The following VPS41 variants were observed in gnomAD, a reference collection of about 807,000 sequenced individuals.
VPS41 encodes vacuolar protein sorting-associated protein 41 homolog.
VPS41 carries 85 observed loss-of-function variants against 130.9 expected under a neutral mutation model. That is an observed-to-expected ratio of 0.65 (90% confidence interval 0.55 to 0.78). The LOEUF is 0.78. Among genes scored for constraint, VPS41 ranks in the 30% least tolerant of loss-of-function variants. The pLI is 0.00. For synonymous variants in VPS41, 335 were observed against 332.9 expected (o/e 1.01, Z -0.07); for missense variants, 874 against 1,018.7 (o/e 0.86, Z 1.93).
intron 10 of VPS41, among the ~76,000 whole-genome samples, chr7:38,785,283 A>T (rs1460604642): frequency 6.6e-6 from 1 of 152,258 alleles, no homozygotes; most frequent in Non-Finnish European, 1.5e-5. Context: ...ACATTAAAGT[A>T]AAACTGACTT....
chr7:38,777,918 C>T (rs991767379), intron 10 of VPS41, among the ~76,000 whole-genome samples: 18 of 152,174 alleles, frequency 1.2e-4, no homozygotes, highest in Non-Finnish European at 1.5e-5. Flanking sequence ...ATTCATAATA[C>T]AGATGAAATA....
intron 24 of VPS41, among the ~76,000 whole-genome samples, chr7:38,743,082 A>G (rs1191051038): frequency 1.0e-4 from 3 of 30,090 alleles, no homozygotes; most frequent in Non-Finnish European, 1.6e-4. Flanking sequence ...AAAAACAAAA[A>G]AAAACCACAC....
chr7:38,773,022 A>G (rs1038152878), intron 12 of VPS41, among the ~76,000 whole-genome samples: 2 of 152,180 alleles, frequency 1.3e-5, no homozygotes, highest in African/African-American at 4.8e-5. Context: ...TCTACTGCAT[A>G]TTAGAATTCA....
At chr7:38,799,268 T>C (rs573555897) in intron 7 of VPS41, among the ~76,000 whole-genome samples, 1 of 152,306 alleles carries the variant, frequency 6.6e-6, no homozygotes, top group African/African-American at 2.4e-5. Flanking sequence ...CTAATTCTTA[T>C]CATCATAATT....
intron 28 of VPS41, 51 bp from the exon 29 acceptor site, chr7:38,726,377 A>C: frequency 7.0e-7 from 1 of 1,432,650 alleles, no homozygotes; most frequent in East Asian, 2.3e-5. Context: ...TTCTTTTTCT[A>C]CTCTCATATT....
At chr7:38,770,137 C>T (rs138700550) in intron 14 of VPS41, among the ~76,000 whole-genome samples, 3,403 of 152,088 alleles carry the variant, frequency 0.022, 49 homozygotes, top group African/African-American at 0.046. Context: ...GGTGTGGTGG[C>T]GCATGCCTGT....
At chr7:38,773,899 G>T (rs1194506068) in intron 12 of VPS41, among the ~76,000 whole-genome samples, 1 of 152,046 alleles carries the variant, frequency 6.6e-6, no homozygotes, top group Non-Finnish European at 1.5e-5. Flanking sequence ...CCCGGGTCCT[G>T]GTCTGAACTC....
At chr7:38,745,867 C>T in intron 22 of VPS41, 1 of 396,976 alleles carries the variant, frequency 2.5e-6, no homozygotes, top group Non-Finnish European at 4.4e-6. Flanking sequence ...GAGTAGAAAA[C>T]AAGACACCAA....
In VPS41 at chr7:38,796,755, G is replaced by A. The variant is rs752919704; in HGVS notation, c.560C>T (p.Ala187Val). 32 of 1,613,544 alleles carry A rather than the reference G, an allele frequency of 2.0e-5. No homozygotes were observed. The highest frequency in any genetic ancestry group is 2.6e-5 in the Non-Finnish European group (31 of 1,179,792). The change falls in exon 8 of 29, where the codon GCC becomes GTC. Residue 187 changes from alanine (A) to valine (V), a missense_variant. Ala to Val is a moderately conservative substitution (Grantham distance 64). Transcript: ENST00000310301. ...AGGCATATTTTTTACCATATTATTG[G>A]CCCAAGCAATCAGATGGCCTCTCCA... ...VKWRGHLIAWANNMGVKIFDI... is the reference protein window; with the variant it reads ...VKWRGHLIAWVNNMGVKIFDI...
chr7:38,785,919 T>C (rs1012807322), intron 10 of VPS41, among the ~76,000 whole-genome samples: 1 of 152,222 alleles, frequency 6.6e-6, no homozygotes, highest in African/African-American at 2.4e-5. Flanking sequence ...AGTGAAAATA[T>C]AATTTCTAAG....
intron 10 of VPS41, among the ~76,000 whole-genome samples, chr7:38,777,216 T>C (rs897447628): frequency 6.6e-6 from 1 of 152,186 alleles, no homozygotes; most frequent in Non-Finnish European, 1.5e-5. Flanking sequence ...GAATGTTATC[T>C]GTAATTATGA....
At chr7:38,777,077 G>C (rs1290132690) in intron 10 of VPS41, among the ~76,000 whole-genome samples, 1 of 152,104 alleles carries the variant, frequency 6.6e-6, no homozygotes, top group Admixed American at 6.6e-5. Context: ...AAATGACATA[G>C]ACTACATGAA....
At chr7:38,775,771 C>G (rs192827566) in intron 11 of VPS41, 1 of 151,804 alleles carries the variant, frequency 6.6e-6, no homozygotes. Flanking sequence ...GAGCAGCTAC[C>G]ACTTCAAAAC....
chr7:38,887,788 G>A (rs1446992682), intron 2 of VPS41, among the ~76,000 whole-genome samples: 2 of 152,136 alleles, frequency 1.3e-5, no homozygotes, highest in Non-Finnish European at 2.9e-5. Flanking sequence ...AGAAAGGTCA[G>A]GTCACCCACA....
chr7:38,904,912 T>A (rs1400587983), intron 1 of VPS41, among the ~76,000 whole-genome samples: 1 of 152,200 alleles, frequency 6.6e-6, no homozygotes, highest in African/African-American at 2.4e-5. Flanking sequence ...GGGTCCAGGT[T>A]GGTTGATTAG....
chr7:38,756,111 G>A (rs1783787118), intron 19 of VPS41, among the ~76,000 whole-genome samples: 1 of 152,026 alleles, frequency 6.6e-6, no homozygotes, highest in African/African-American at 2.4e-5. Context: ...AGCCTTTAGG[G>A]TTCTACTTTT....
At chr7:38,730,215 C>A (rs1017788502) in intron 25 of VPS41, among the ~76,000 whole-genome samples, 1 of 152,156 alleles carries the variant, frequency 6.6e-6, no homozygotes, top group East Asian at 1.9e-4. Context: ...AAGTCACTCT[C>A]GACTTGACAA....
chr7:38,901,505 G>A (rs1787143542), intron 1 of VPS41, among the ~76,000 whole-genome samples: 1 of 152,150 alleles, frequency 6.6e-6, no homozygotes, highest in African/African-American at 2.4e-5. Context: ...AAGCAAAAGA[G>A]GGCAATGGGG....
At chr7:38,853,722 A>C (rs3801127) in intron 4 of VPS41, among the ~76,000 whole-genome samples, 96,621 of 152,114 alleles carry the variant, frequency 0.64, 32,362 homozygotes, top group East Asian at 0.89. Flanking sequence ...TACCCAATTC[A>C]GAGTCATGTT....
Sources: gnomAD v4.1 joint callset for allele counts (sites outside exome capture counted in the v4.1 genomes callset) on GRCh38, gnomAD v4.1.1 for gene constraint, MANE v1.5 for transcripts, NCBI Gene and HGNC (gene_info 2026-07-23, HGNC 2026-07-21) for gene names.